RUNX3: variants seen among roughly 807,000 people sequenced by gnomAD.
The protein encoded by RUNX3 is runt-related transcription factor 3.
A neutral mutation model predicts 27.7 loss-of-function variants in RUNX3; 10 were observed. The ratio of observed to expected loss-of-function variants is 0.36; its 90% CI spans 0.22 to 0.61. The LOEUF is 0.61. Ranked by LOEUF, RUNX3 falls within the 20% of genes least tolerant of loss-of-function variation. The probability of loss-of-function intolerance (pLI) is 0.72; values close to 1 mark genes in which losing one functional copy is unlikely to be tolerated. For missense variants in RUNX3, 469 were observed against 629.5 expected (o/e 0.75, Z 2.73); for synonymous variants, 270 against 269.2 (o/e 1.00, Z -0.03).
intron 3 of RUNX3, among the ~76,000 whole-genome samples, chr1:24,909,708 G>A (rs1015674795): frequency 3.3e-5 from 5 of 152,150 alleles, no homozygotes; most frequent in East Asian, 3.8e-4. Context: ...CAACACTCCC[G>A]GGAACGTCCC....
chr1:24,954,117 T>C (rs1484931170), intron 2 of RUNX3, among the ~76,000 whole-genome samples: 1 of 152,254 alleles, frequency 6.6e-6, no homozygotes, highest in Non-Finnish European at 1.5e-5. Context: ...CATATCTGCA[T>C]GGCCTCACAC....
At position 24,903,110 on chromosome 1, in the gene RUNX3, A is replaced by G. The variant is rs1387410358; in HGVS notation, c.704-444T>C. Among the ~76,000 whole-genome samples, 3 of 152,190 alleles carry G rather than the reference A, an allele frequency of 2.0e-5. 1 individual carries two copies. The highest frequency in any genetic ancestry group is 7.2e-5 in the African/African-American group (3 of 41,426). ...GGCCGTGGATGTGTAAAGGGCTCCA[A>G]TGACCGTGTGAGACTGGGAGTTGGA... On this transcript the variant is annotated intron_variant, in intron 4 of 4. Transcript: ENST00000308873.
chr1:24,954,804 G>A (rs1220722301), intron 2 of RUNX3, among the ~76,000 whole-genome samples: 1 of 152,280 alleles, frequency 6.6e-6, no homozygotes, highest in African/African-American at 2.4e-5. Context: ...GAGTGGGTGC[G>A]GGAGGCCCCT....
intron 2 of RUNX3, among the ~76,000 whole-genome samples, chr1:24,953,563 C>CGT (rs1294814126): frequency 5.9e-5 from 9 of 152,192 alleles, no homozygotes; most frequent in Non-Finnish European, 1.0e-4. Context: ...TCGGGATTCA[C>CGT]GTGCCCCTGG....
chr1:24,903,442 A>G (rs866180310), intron 4 of RUNX3, among the ~76,000 whole-genome samples: 8 of 152,244 alleles, frequency 5.3e-5, no homozygotes, highest in Middle Eastern at 3.4e-3. Context: ...AAACTTGGGG[A>G]CCCAGACCCC....
intron 2 of RUNX3, among the ~76,000 whole-genome samples, chr1:24,935,391 T>A (rs1641324489): frequency 6.6e-6 from 1 of 152,050 alleles, no homozygotes; most frequent in South Asian, 2.1e-4. Context: ...ACCCACCTCC[T>A]CTCCACCTCC....
rs748394509 is a variant in RUNX3, at chr1:24,919,218, CA to C, written c.544+21del. On this transcript the variant is annotated intron_variant, in intron 3 of 4. Coordinates refer to ENST00000308873, the MANE Select transcript of RUNX3 (RefSeq NM_004350.3). Reference sequence around the variant, plus strand: ...GACCCTCCTCCCCCGCGCAGGGGCTCAGGGGGCTCGGTGGCACTTACGTCTG... The same window carrying C: ...GACCCTCCTCCCCCGCGCAGGGGCTCGGGGGCTCGGTGGCACTTACGTCTG... 8.6e-5 allele frequency: 131 copies of C among 1,515,428 alleles called. 1 individual carries two copies. The African/African-American group carries it at 1.5e-3, about 17-fold the overall frequency. The allele number at this position is 1,515,428 out of a possible 1,614,324, so 93.9% of individuals were successfully genotyped here.
intron 2 of RUNX3, among the ~76,000 whole-genome samples, chr1:24,953,933 G>A (rs1641845093): frequency 6.6e-6 from 1 of 151,598 alleles, no homozygotes; most frequent in South Asian, 2.1e-4. Flanking sequence ...TTTTTTTGGA[G>A]ACCAGGTCTT....
At chr1:24,941,304 C>A (rs1168876190) in intron 2 of RUNX3, among the ~76,000 whole-genome samples, 1 of 152,162 alleles carries the variant, frequency 6.6e-6, no homozygotes, top group Non-Finnish European at 1.5e-5. Context: ...GTCCCTTGCA[C>A]CTACATAGGA....
At chr1:24,925,070 G>T (rs1641073413) in intron 2 of RUNX3, among the ~76,000 whole-genome samples, 1 of 152,312 alleles carries the variant, frequency 6.6e-6, no homozygotes, top group African/African-American at 2.4e-5. Context: ...TCTGGCAGAA[G>T]TCAAGAGACC....
At chr1:24,958,708 T>C (rs914647695) in intron 2 of RUNX3, among the ~76,000 whole-genome samples, 6 of 152,086 alleles carry the variant, frequency 3.9e-5, no homozygotes, top group Non-Finnish European at 5.9e-5. Context: ...TCTCTTTACT[T>C]CCACTAAGCA....
chr1:24,934,603 G>T (rs778953917), upstream of RUNX3, among the ~76,000 whole-genome samples: 7 of 152,198 alleles, frequency 4.6e-5, no homozygotes, highest in East Asian at 5.8e-4. Flanking sequence ...ATTGCTCATG[G>T]TATTCAATCC....
chr1:24,921,397 T>C (rs573884508), intron 2 of RUNX3, among the ~76,000 whole-genome samples: 1 of 152,150 alleles, frequency 6.6e-6, no homozygotes, highest in Non-Finnish European at 1.5e-5. Context: ...ACCCACTGAG[T>C]GTCACTCCAG....
At chr1:24,953,402 GAAAA>G (rs553316885) in intron 2 of RUNX3, among the ~76,000 whole-genome samples, 1 of 70,480 alleles carries the variant, frequency 1.4e-5, no homozygotes, top group Non-Finnish European at 2.9e-5. Context: ...AAAGAAAAAT[GAAAA>G]AAAAAAAAAA....
chr1:24,935,141 G>A (rs971418336), upstream of RUNX3, among the ~76,000 whole-genome samples: 5 of 152,216 alleles, frequency 3.3e-5, no homozygotes, highest in Non-Finnish European at 5.9e-5. Context: ...GAGGCAAAAC[G>A]CAGTTGGACA....
intron 3 of RUNX3, 127 bp downstream of exon 3, chr1:24,919,112 TG>T: frequency 1.7e-6 from 1 of 588,588 alleles, no homozygotes; most frequent in Non-Finnish European, 2.9e-6. Context: ...GCACGCAGTG[TG>T]TGGGGGCACA....
In RUNX3 at chr1:24,943,616, A is replaced by T. The variant is rs1641533831; in HGVS notation, c.59-13764T>A. 6.6e-6 allele frequency among the ~76,000 whole-genome samples: 1 copy of T among 152,192 alleles called. No homozygotes were observed. The highest frequency in any genetic ancestry group is 1.5e-5 in the Non-Finnish European group (1 of 68,036). On this transcript the variant is annotated intron_variant, in intron 2 of 6. Transcript: ENST00000338888. The surrounding 1 kb of genome is among the most constrained non-coding windows in gnomAD (Gnocchi z 4.6). ...TGGCCAGTGCGGAGAGGACCCCCGAAGATCTCTGAGGCTAGTCCCCTTGTG... is the reference window on the plus strand; with the variant it reads ...TGGCCAGTGCGGAGAGGACCCCCGATGATCTCTGAGGCTAGTCCCCTTGTG...
At chr1:24,953,385 G>GAA (rs1641823734) in intron 2 of RUNX3, among the ~76,000 whole-genome samples, 1 of 42,890 alleles carries the variant, frequency 2.3e-5, no homozygotes, top group Non-Finnish European at 4.6e-5. Flanking sequence ...AAAAAGAAAA[G>GAA]AAAAGAAAAG....
rs562272392 is a variant in RUNX3, at chr1:24,921,059, T to C, written c.440-1715A>G. On this transcript the variant is annotated intron_variant, in intron 2 of 4. Coordinates refer to ENST00000308873, the MANE Select transcript of RUNX3 (RefSeq NM_004350.3). ...TGGGTAGGGGCCAATGGTCTCGCAC[T>C]CTCACCTGTACCCCAGGGCTGGCAC... 3.9e-5 allele frequency among the ~76,000 whole-genome samples: 6 copies of C among 152,238 alleles called. No homozygotes were observed. The South Asian group carries it at 1.2e-3, about 32-fold the overall frequency.
Sources: allele counts gnomAD v4.1 joint callset (sites outside exome capture counted in the v4.1 genomes callset), GRCh38; gene constraint gnomAD v4.1.1; non-coding constraint Gnocchi (gnomAD v3.1); transcripts MANE v1.5; gene names NCBI Gene and HGNC (gene_info 2026-07-23, HGNC 2026-07-21).